PRKN: variants seen among roughly 807,000 people sequenced by gnomAD.
The protein encoded by PRKN is E3 ubiquitin-protein ligase parkin.
PRKN carries 56 observed loss-of-function variants against 59.5 expected under a neutral mutation model. That is an observed-to-expected ratio of 0.94 (90% CI 0.76 to 1.18). The LOEUF is 1.18. Among genes scored for constraint, PRKN ranks in the 50% most tolerant of loss-of-function variants. PRKN has a pLI of 0.00. For missense variants in PRKN, 657 were observed against 596.4 expected, an observed-to-expected ratio of 1.10 and a Z score of -1.06; for synonymous variants, 250 against 222.1, an observed-to-expected ratio of 1.13 and a Z score of -1.12.
At position 161,473,828 on chromosome 6, in the gene PRKN, C is replaced by T. The variant is rs1790920630; in HGVS notation, c.1083+75026G>A. ...TAAATATATCAAAATATGTTGTACACCTTAACTATATATAATAGAAAAATA... is the reference window on the plus strand; with the variant it reads ...TAAATATATCAAAATATGTTGTACATCTTAACTATATATAATAGAAAAATA... On this transcript the variant is annotated intron_variant, in intron 9 of 11. Coordinates refer to ENST00000366898, the MANE Select transcript of PRKN (RefSeq NM_004562.3). This position sits in a 1 kb window ranked among gnomAD's most constrained non-coding sequence, Gnocchi z 4.1. 6.6e-6 allele frequency among the ~76,000 whole-genome samples: 1 copy of T among 151,992 alleles called. No individual in the cohort carries two copies. The highest frequency in any genetic ancestry group is 2.4e-5 in the African/African-American group (1 of 41,368).
intron 1 of PRKN, among the ~76,000 whole-genome samples, chr6:162,447,078 A>G (rs780781312): frequency 1.3e-5 from 2 of 152,178 alleles, no homozygotes; most frequent in Non-Finnish European, 2.9e-5. Flanking sequence ...CACAAGATTT[A>G]TTGAGATTAT....
chr6:162,727,369 C>A, intron 1 of PRKN: 1 of 471,056 alleles, frequency 2.1e-6, no homozygotes, highest in Non-Finnish European at 3.7e-6. Flanking sequence ...GTCCGGGGGA[C>A]CGCGAACGAG....
chr6:161,627,028 T>C (rs1479437007), intron 7 of PRKN, among the ~76,000 whole-genome samples: 2 of 152,244 alleles, frequency 1.3e-5, no homozygotes, highest in Non-Finnish European at 2.9e-5. Context: ...AAATTTTCTT[T>C]AGAAGCTTTG....
rs111326536 is a variant in PRKN, at chr6:161,581,615, G to A, written c.872-12199C>T. 4.8e-4 allele frequency among the ~76,000 whole-genome samples: 73 copies of A among 152,266 alleles called. No homozygotes were observed. The highest frequency in any genetic ancestry group is 6.8e-3 in the Middle Eastern group (2 of 294). ...TTATGGACAAGGTGAAGGGCGTTGG[G>A]CCTATGTCATCAACAGTGAGCAAGA... On this transcript the variant is annotated intron_variant, in intron 7 of 11. Transcript: ENST00000366898. The surrounding 1 kb of genome is among the most constrained non-coding windows in gnomAD (Gnocchi z 4.5).
At chr6:161,978,224 T>C (rs1781128530) in intron 5 of PRKN, among the ~76,000 whole-genome samples, 1 of 152,056 alleles carries the variant, frequency 6.6e-6, no homozygotes, top group Non-Finnish European at 1.5e-5. Context: ...CAATTTTTTA[T>C]ATTTTTAGTA....
intron 1 of PRKN, among the ~76,000 whole-genome samples, chr6:162,552,641 G>A (rs928505002): frequency 2.6e-5 from 4 of 152,102 alleles, no homozygotes; most frequent in Non-Finnish European, 5.9e-5. Context: ...AAACATCCGC[G>A]TGGAGTTGTC....
chr6:161,970,295 C>A (rs958542434), intron 6 of PRKN, among the ~76,000 whole-genome samples: 2 of 151,808 alleles, frequency 1.3e-5, no homozygotes, highest in African/African-American at 2.4e-5. Context: ...GCCTGCCTGG[C>A]CTCCCAAAGT....
rs1223648404 is a variant in PRKN at position 161,579,962 on chromosome 6, C to A, written c.872-10546G>T. On this transcript the variant is annotated intron_variant, in intron 7 of 11. Coordinates refer to ENST00000366898, the MANE Select transcript of PRKN (RefSeq NM_004562.3). This position sits in a 1 kb window ranked among gnomAD's most constrained non-coding sequence, Gnocchi z 4.2. ...AAAAAACAAAACCCATGTAAGCACTCTAAATATTGCCACTTAAATTCATCA... is the reference window on the plus strand; with the variant it reads ...AAAAAACAAAACCCATGTAAGCACTATAAATATTGCCACTTAAATTCATCA... 6.6e-6 allele frequency among the ~76,000 whole-genome samples: 1 copy of A among 152,136 alleles called. No homozygotes were observed. The highest frequency in any genetic ancestry group is 1.5e-5 in the Non-Finnish European group (1 of 68,032).
intron 2 of PRKN, among the ~76,000 whole-genome samples, chr6:162,288,557 C>T (rs553443975): frequency 4.6e-5 from 7 of 152,256 alleles, no homozygotes; most frequent in African/African-American, 7.2e-5. Flanking sequence ...AGAGACTTCA[C>T]GTTCCTGCTA....
chr6:161,864,530 T>C (rs1252732769), intron 6 of PRKN, among the ~76,000 whole-genome samples: 1 of 152,234 alleles, frequency 6.6e-6, no homozygotes, highest in Non-Finnish European at 1.5e-5. Context: ...TGAAACCAAC[T>C]TTTTCAAAGC....
chr6:162,053,676 GA>G (rs529274012), intron 5 of PRKN, among the ~76,000 whole-genome samples: 26 of 150,848 alleles, frequency 1.7e-4, no homozygotes, highest in African/African-American at 3.2e-4. Context: ...AGATAAAGCA[GA>G]AAAAAAAATC....
chr6:162,221,157 G>T (rs1777915280), intron 3 of PRKN, among the ~76,000 whole-genome samples: 1 of 152,152 alleles, frequency 6.6e-6, no homozygotes. Flanking sequence ...TGCATATTCT[G>T]CCTATGTTTC....
rs1786840964 is a variant in PRKN at position 161,397,921 on chromosome 6, TG to T, written c.1084-11045del. On this transcript the variant is annotated intron_variant, in intron 9 of 11. Transcript: ENST00000366898. This position sits in a 1 kb window ranked among gnomAD's most constrained non-coding sequence, Gnocchi z 4.2. Reference sequence around the variant, plus strand: ...TCAGAGGCTAAGATCACAGGCATGATGGGGTGGAAAAGGCTTCACAACAGAG... The same window carrying T: ...TCAGAGGCTAAGATCACAGGCATGATGGGTGGAAAAGGCTTCACAACAGAG... Among the ~76,000 whole-genome samples the T allele has an allele frequency of 6.6e-6, 1 of 152,032 alleles. No homozygotes were observed. Among genetic ancestry groups the T allele is most frequent in the East Asian group, 1.9e-4 (1 of 5,192 alleles).
At chr6:162,491,327 T>C (rs567294418) in intron 1 of PRKN, among the ~76,000 whole-genome samples, 3 of 149,252 alleles carry the variant, frequency 2.0e-5, no homozygotes, top group Admixed American at 6.7e-5. Context: ...CTTTGTAGGG[T>C]GTAAACAACA....
intron 7 of PRKN, among the ~76,000 whole-genome samples, chr6:161,638,396 A>C (rs562020933): frequency 2.4e-4 from 36 of 152,166 alleles, no homozygotes; most frequent in African/African-American, 6.3e-4. Flanking sequence ...CGGCGTCCCA[A>C]AGTGCTAGGA....
intron 6 of PRKN, among the ~76,000 whole-genome samples, chr6:161,835,567 A>C (rs1319589016): frequency 6.6e-6 from 1 of 152,136 alleles, no homozygotes; most frequent in Non-Finnish European, 1.5e-5. Context: ...CAGCGGCAAA[A>C]TGCTTTTCCC....
intron 9 of PRKN, among the ~76,000 whole-genome samples, chr6:161,524,235 C>T (rs1313732128): frequency 6.6e-6 from 1 of 152,054 alleles, no homozygotes; most frequent in Non-Finnish European, 1.5e-5. Flanking sequence ...TTCCAGCACC[C>T]ATGAAAAATG....
intron 3 of PRKN, among the ~76,000 whole-genome samples, chr6:162,214,218 A>G (rs1209770595): frequency 1.3e-5 from 2 of 152,210 alleles, no homozygotes; most frequent in South Asian, 2.1e-4. Context: ...GGTGGGGCCA[A>G]TTCAACACCC....
intron 6 of PRKN, among the ~76,000 whole-genome samples, chr6:161,789,223 G>C (rs1428995126): frequency 6.6e-6 from 1 of 152,156 alleles, no homozygotes; most frequent in Non-Finnish European, 1.5e-5. Flanking sequence ...ATGGCTAGAA[G>C]GTCTACATCA....
Sources: allele counts gnomAD v4.1 joint callset (sites outside exome capture counted in the v4.1 genomes callset), GRCh38; gene constraint gnomAD v4.1.1; non-coding constraint Gnocchi (gnomAD v3.1); transcripts MANE v1.5; gene names NCBI Gene and HGNC (gene_info 2026-07-23, HGNC 2026-07-21).